Variants in ADA observed in about 807,000 individuals in gnomAD.
ADA encodes the protein adenosine deaminase, also known as adenosine aminohydrolase.
ADA carries 45 observed loss-of-function variants against 49.0 expected under a neutral mutation model. That is an observed-to-expected ratio of 0.92 (90% CI 0.72 to 1.18). The LOEUF (loss-of-function observed/expected upper bound fraction) is 1.18, where lower values mean the gene tolerates loss of function less well. ADA is among the 50% of genes most tolerant of loss of function. The pLI, the probability that ADA is intolerant of heterozygous loss-of-function variation, is 0.00. For missense variants in ADA, 445 were observed against 472.5 expected, an observed-to-expected ratio of 0.94 and a Z score of 0.54; for synonymous variants, 173 against 184.2, an observed-to-expected ratio of 0.94 and a Z score of 0.49.
At chr20:44,620,882 T>G (rs2065323719) in intron 10 of ADA, 136 bp downstream of exon 10, 1 of 1,181,742 alleles carries the variant, frequency 8.5e-7, no homozygotes, top group East Asian at 2.3e-5. Context: ...CTGTGGAAAG[T>G]GTCTAGGTTG....
chr20:44,647,551 A>T (rs1354918172), intron 1 of ADA, among the ~76,000 whole-genome samples: 1 of 152,034 alleles, frequency 6.6e-6, no homozygotes, highest in African/African-American at 2.4e-5. Context: ...CCACTCCCTA[A>T]GCTTCAGTTT....
In ADA at chr20:44,625,663, C is replaced by G; in HGVS notation, c.384G>C (p.Glu128Asp). ...GGCCCTGGCCCACTAGGGCCACCACCTCGTCTGGGGTGAGGTCCCCTCTGT... is the reference window on the plus strand; with the variant it reads ...GGCCCTGGCCCACTAGGGCCACCACGTCGTCTGGGGTGAGGTCCCCTCTGT... ...NQAEGDLTPD[E>D]VVALVGQGLQ... The change falls in exon 5 of 12, where the codon GAG (glutamate) becomes GAC (aspartate). Residue 128 changes from glutamate to aspartate, a missense_variant. Physicochemically the swap from Glu to Asp is conservative, Grantham distance 45. Coordinates refer to ENST00000372874, the MANE Select transcript of ADA (RefSeq NM_000022.4). The G allele has an allele frequency of 6.4e-7, 1 of 1,567,252 alleles. No homozygotes were observed. Among genetic ancestry groups the G allele is most frequent in the Non-Finnish European group, 8.7e-7 (1 of 1,155,202 alleles).
chr20:44,626,339 G>A (rs2065381904), intron 4 of ADA, 117 bp downstream of exon 4: 6 of 1,437,846 alleles, frequency 4.2e-6, no homozygotes, highest in Non-Finnish European at 5.8e-6. Context: ...GACCAGACTG[G>A]GGGCAAGAAC....
intron 2 of ADA, among the ~76,000 whole-genome samples, chr20:44,633,016 C>T (rs1428828173): frequency 6.6e-6 from 1 of 152,228 alleles, no homozygotes; most frequent in Non-Finnish European, 1.5e-5. Flanking sequence ...ATCCCTACTC[C>T]CTGGTCAGCC....
intron 1 of ADA, among the ~76,000 whole-genome samples, chr20:44,644,167 A>AT (rs2065565859): frequency 1.7e-3 from 2 of 1,152 alleles, no homozygotes; most frequent in African/African-American, 2.6e-3. Flanking sequence ...TTGGAGGTAG[A>AT]CGCCCTGCTC....
intron 2 of ADA, among the ~76,000 whole-genome samples, chr20:44,631,497 G>A (rs542397011): frequency 2.0e-5 from 3 of 152,320 alleles, no homozygotes; most frequent in Non-Finnish European, 4.4e-5. Context: ...CACTGTTGGG[G>A]ATATCACTCT....
At chr20:44,624,590 G>A (rs1240819528) in intron 5 of ADA, among the ~76,000 whole-genome samples, 3 of 152,264 alleles carry the variant, frequency 2.0e-5, no homozygotes, top group African/African-American at 4.8e-5. Flanking sequence ...GAGGCCATGT[G>A]TGTAAAGCAC....
intron 9 of ADA, 85 bp downstream of exon 9, chr20:44,622,503 T>A: frequency 6.6e-7 from 1 of 1,510,050 alleles, no homozygotes; most frequent in East Asian, 2.3e-5. Context: ...AGACGCGGCA[T>A]GGGCTGATGC....
chr20:44,622,346 T>A (rs1311034228), intron 9 of ADA, among the ~76,000 whole-genome samples: 1 of 152,232 alleles, frequency 6.6e-6, no homozygotes, highest in East Asian at 1.9e-4. Flanking sequence ...CTGCTCCAGC[T>A]GATGAGCTGT....
intron 5 of ADA, among the ~76,000 whole-genome samples, chr20:44,625,259 G>A (rs1600922881): frequency 6.6e-6 from 1 of 152,192 alleles, no homozygotes; most frequent in African/African-American, 2.4e-5. Context: ...GGTCTCGAGG[G>A]AGGACTATGG....
At chr20:44,649,394 G>T (rs2065621052) in intron 1 of ADA, among the ~76,000 whole-genome samples, 1 of 151,898 alleles carries the variant, frequency 6.6e-6, no homozygotes, top group Non-Finnish European at 1.5e-5. Flanking sequence ...TACAAGATTT[G>T]TCACGCCTCA....
intron 1 of ADA, among the ~76,000 whole-genome samples, chr20:44,648,062 G>A (rs1423745259): frequency 6.6e-6 from 1 of 152,118 alleles, no homozygotes; most frequent in African/African-American, 2.4e-5. Context: ...AAAAGTCACT[G>A]AAGGCACCTG....
At chr20:44,620,894 G>C (rs566485625) in intron 10 of ADA, 124 bp downstream of exon 10, 1 of 1,347,702 alleles carries the variant, frequency 7.4e-7, no homozygotes, top group Non-Finnish European at 1.1e-6. Context: ...TCTAGGTTGG[G>C]CTTGTCTTGG....
intron 5 of ADA, among the ~76,000 whole-genome samples, chr20:44,624,916 A>T (rs1343044455): frequency 6.6e-6 from 1 of 152,248 alleles, no homozygotes; most frequent in Non-Finnish European, 1.5e-5. Flanking sequence ...CAGTTTCCTC[A>T]TCTGTCAAAT....
chr20:44,646,740 C>T lies in ADA; in HGVS notation c.33+4835G>A, dbSNP rs541432367. Among the ~76,000 whole-genome samples, 5 of 152,128 alleles carry T rather than the reference C, an allele frequency of 3.3e-5. No individual in the cohort carries two copies. In the South Asian group the frequency reaches 8.3e-4, roughly 25 times the overall value. On this transcript the variant is annotated intron_variant, in intron 1 of 11. Transcript: ENST00000372874. Reference sequence around the variant, plus strand: ...ATTCAACCCCAGTACATCTGAAGCCCAGGGCTAATGCACTGGCCCACCCTG... The same window carrying T: ...ATTCAACCCCAGTACATCTGAAGCCTAGGGCTAATGCACTGGCCCACCCTG...
intron 1 of ADA, among the ~76,000 whole-genome samples, chr20:44,647,696 T>C (rs376302563): frequency 6.6e-6 from 1 of 151,972 alleles, no homozygotes; most frequent in African/African-American, 2.4e-5. Flanking sequence ...GGTGGGAGGA[T>C]CACCTGAGAT....
rs748088317 is a variant in ADA at position 44,622,648 on chromosome 20, C to T, written c.785G>A (p.Cys262Tyr). The T allele has an allele frequency of 6.2e-7, 1 of 1,614,200 alleles. No homozygotes were observed. Among genetic ancestry groups the T allele is most frequent in the Admixed American group, 1.7e-5 (1 of 60,030 alleles). Residue 262 changes from cysteine (C) to tyrosine (Y), a missense_variant, in exon 9 of 12, where the codon TGC becomes TAC. Physicochemically the swap from Cys to Tyr is radical, Grantham distance 194 (BLOSUM62 -2). Transcript: ENST00000372874. ...LRQENMHFEI[C>Y]PWSSYLTGAW... ...ACCAGTGAGGTAGCTGGACCAGGGG[C>T]AGATCTGGAAGAGCAGGTGTGTGGC...
intron 1 of ADA, among the ~76,000 whole-genome samples, chr20:44,646,530 C>T (rs2065593594): frequency 1.3e-5 from 2 of 150,838 alleles, no homozygotes. Context: ...CTCCAGTCCC[C>T]AGGAAGGAAA....
At chr20:44,633,005 G>A (rs959472594) in intron 2 of ADA, among the ~76,000 whole-genome samples, 1 of 152,196 alleles carries the variant, frequency 6.6e-6, no homozygotes, top group African/African-American at 2.4e-5. Context: ...GTTCTTAGAT[G>A]ATCCCTACTC....
Sources: gnomAD v4.1 joint callset for allele counts (sites outside exome capture counted in the v4.1 genomes callset) on GRCh38, gnomAD v4.1.1 for gene constraint, MANE v1.5 for transcripts, NCBI Gene and HGNC (gene_info 2026-07-23, HGNC 2026-07-21) for gene names.